PCDHA4: variants seen among roughly 807,000 people sequenced by gnomAD.
PCDHA4 encodes the protein protocadherin alpha 4.
PCDHA4 carries 49 observed loss-of-function variants against 61.4 expected under a neutral mutation model. The ratio of observed to expected loss-of-function variants is 0.80; its 90% CI spans 0.63 to 1.01. The LOEUF is 1.01. PCDHA4 is among the 50% of genes least tolerant of loss of function. The probability of loss-of-function intolerance (pLI) is 0.00; values close to 1 mark genes in which losing one functional copy is unlikely to be tolerated. For missense variants in PCDHA4, 1,254 were observed against 1,235.8 expected (o/e 1.01, Z -0.22); for synonymous variants, 590 against 550.3 (o/e 1.07, Z -1.01).
intron 1 of PCDHA4, among the ~76,000 whole-genome samples, chr5:140,902,916 A>G (rs940228069): frequency 2.0e-5 from 3 of 152,174 alleles, no homozygotes; most frequent in African/African-American, 4.8e-5. Context: ...GCTGAGTAGT[A>G]TTGCATGGTG....
At chr5:140,871,533 G>A in intron 1 of PCDHA4, 2 of 1,516,446 alleles carry the variant, frequency 1.3e-6, no homozygotes, top group South Asian at 1.3e-5. Context: ...GGAAGTGTAT[G>A]TGAAATTATT....
At chr5:140,883,379 C>G in intron 1 of PCDHA4, 1 of 1,614,182 alleles carries the variant, frequency 6.2e-7, no homozygotes, top group Non-Finnish European at 8.5e-7. Flanking sequence ...CATTATTGCC[C>G]TAATCAGTGT....
chr5:140,809,637 T>A, intron 1 of PCDHA4, 65 bp downstream of exon 1: 1 of 1,503,338 alleles, frequency 6.7e-7, no homozygotes, highest in Non-Finnish European at 8.9e-7. Flanking sequence ...TCTTCGTAAA[T>A]TTATTTCTAA....
At chr5:140,867,346 ATGAT>A (rs1302874220) in intron 1 of PCDHA4, 5 of 152,256 alleles carry the variant, frequency 3.3e-5, no homozygotes, top group East Asian at 1.9e-4. Context: ...AGAGGCTACT[ATGAT>A]TGATTATTTT....
intron 1 of PCDHA4, chr5:140,814,784 C>T (rs189663149): frequency 2.3e-4 from 35 of 152,262 alleles, no homozygotes; most frequent in Non-Finnish European, 4.1e-4. Flanking sequence ...TTGGTTGAAA[C>T]GTTGTTATAC....
At chr5:140,923,785 C>T (rs2081509867) in intron 1 of PCDHA4, among the ~76,000 whole-genome samples, 1 of 152,156 alleles carries the variant, frequency 6.6e-6, no homozygotes, top group African/African-American at 2.4e-5. Flanking sequence ...ATGGTTTCTT[C>T]ATTCTTTTCA....
In PCDHA4 at chr5:140,856,289, G is replaced by A. The variant is rs138367057; in HGVS notation, c.2385+46717G>A. Reference sequence around the variant, plus strand: ...CCTTCTGGAGGTAAATCTGCAGAATGGCATTTTGTTTGTGAATTCTCGGAT... The same window carrying A: ...CCTTCTGGAGGTAAATCTGCAGAATAGCATTTTGTTTGTGAATTCTCGGAT... On this transcript the variant is annotated intron_variant, in intron 1 of 3. Coordinates refer to ENST00000530339, the MANE Select transcript of PCDHA4 (RefSeq NM_018907.4). The A allele has an allele frequency of 3.3e-4, 527 of 1,598,532 alleles. 21 individuals carry two copies. The African/African-American group carries it at 6.0e-3, about 18-fold the overall frequency.
In PCDHA4 at chr5:141,010,449, C is replaced by G. The variant is rs764975082; in HGVS notation, c.*512C>G. 1.1e-6 allele frequency: 1 copy of G among 915,348 alleles called. No homozygotes were observed. Among genetic ancestry groups the G allele is most frequent in the East Asian group, 2.7e-5 (1 of 36,418 alleles). 56.7% of individuals were successfully genotyped at this position (915,348 alleles called of 1,614,324 possible). ...CAAGAAAACAAAGACAAATAAACAGCGGAAGTTATCAGTATGGAGGGGAAG... is the reference window on the plus strand; with the variant it reads ...CAAGAAAACAAAGACAAATAAACAGGGGAAGTTATCAGTATGGAGGGGAAG... On this transcript the variant is annotated 3_prime_UTR_variant, in exon 4 of 4. Transcript: ENST00000530339.
intron 1 of PCDHA4, chr5:140,858,161 G>A (rs1409243603): frequency 1.3e-6 from 2 of 1,597,720 alleles, no homozygotes; most frequent in African/African-American, 2.7e-5. Context: ...CATCTGCGCG[G>A]TGTCCAGCTT....
At chr5:141,005,687 G>A (rs1454342103) in intron 3 of PCDHA4, among the ~76,000 whole-genome samples, 3 of 116,164 alleles carry the variant, frequency 2.6e-5, no homozygotes, top group African/African-American at 7.0e-5. Context: ...GGGCGACAGA[G>A]CGAAACTCCG....
intron 1 of PCDHA4, chr5:140,815,490 TTA>T (rs1226346416): frequency 6.6e-6 from 1 of 151,982 alleles, no homozygotes; most frequent in East Asian, 1.9e-4. Flanking sequence ...TACCCAAATT[TTA>T]TGTTATTGAT....
chr5:140,903,180 T>C (rs149488870), intron 1 of PCDHA4, among the ~76,000 whole-genome samples: 1,613 of 152,324 alleles, frequency 0.011, 17 homozygotes, highest in African/African-American at 0.028. Context: ...TTCCCACCAA[T>C]AGTATAAAAG....
rs2150529065 is a variant in PCDHA4, at chr5:140,853,159, G to A, written c.2385+43587G>A. On this transcript the variant is annotated intron_variant, in intron 1 of 3. Coordinates refer to ENST00000530339, the MANE Select transcript of PCDHA4 (RefSeq NM_018907.4). ...CTCCCAAAATGCTGGGATTACAGGC[G>A]TGAGCCACCGCGCCTGGCCTAAAAT... is the stretch of plus-strand genomic sequence containing the variant. The A allele has an allele frequency of 3.8e-5, 35 of 925,908 alleles. 4 individuals are homozygous for A. In the African/African-American group the frequency reaches 3.9e-4, roughly 10 times the overall value. 57.4% of individuals were successfully genotyped at this position (925,908 alleles called of 1,614,324 possible).
At chr5:140,863,267 C>T in intron 1 of PCDHA4, 1 of 1,457,902 alleles carries the variant, frequency 6.9e-7, no homozygotes, top group Non-Finnish European at 9.3e-7. Flanking sequence ...CGGGAGGCAG[C>T]GCTGGTGGAT....
chr5:140,991,413 A>G (rs2097451025), intron 3 of PCDHA4, among the ~76,000 whole-genome samples: 1 of 152,228 alleles, frequency 6.6e-6, no homozygotes, highest in South Asian at 2.1e-4. Context: ...CCATTATGCT[A>G]TAACAAATTA....
chr5:140,876,233 A>G, intron 1 of PCDHA4: 1 of 1,614,016 alleles, frequency 6.2e-7, no homozygotes, highest in Non-Finnish European at 8.5e-7. Context: ...TTGTCTGAAA[A>G]TGTCCAAAAC....
intron 1 of PCDHA4, chr5:140,867,287 A>T (rs1264218929): frequency 1.3e-5 from 2 of 152,110 alleles, no homozygotes; most frequent in African/African-American, 2.4e-5. Context: ...ATGTGCTTCA[A>T]ATATCATGTT....
At position 140,808,726 on chromosome 5, in the gene PCDHA4, GA is replaced by G. The variant is rs1562219079; in HGVS notation, c.1540del (p.Ser514AlafsTer15). 6.2e-7 allele frequency: 1 copy of G among 1,612,212 alleles called. No homozygotes were observed. Among genetic ancestry groups the G allele is most frequent in the Non-Finnish European group, 8.5e-7 (1 of 1,179,814 alleles). On this transcript the variant is annotated frameshift_variant, in exon 1 of 4. Coordinates refer to ENST00000530339, the MANE Select transcript of PCDHA4 (RefSeq NM_018907.4). LOFTEE classifies it high-confidence loss of function. ...CGAGCTACGTTTCGGTGCATGCGGA[GA>G]GCGGCAAGGTGTACGCGCTGCAGCC... ...LSSYVSVHAESGKVYALQPLD... is the reference protein window; with the variant it reads ...LSSYVSVHAEXGKVYALQPLD...
At chr5:140,975,917 A>C (rs1287006605) in intron 1 of PCDHA4, among the ~76,000 whole-genome samples, 1 of 152,220 alleles carries the variant, frequency 6.6e-6, no homozygotes, top group Non-Finnish European at 1.5e-5. Context: ...TATTCTACCA[A>C]AAGACTAACC....
Sources: gnomAD v4.1 joint callset for allele counts (sites outside exome capture counted in the v4.1 genomes callset) on GRCh38, gnomAD v4.1.1 for gene constraint, MANE v1.5 for transcripts, NCBI Gene and HGNC (gene_info 2026-07-23, HGNC 2026-07-21) for gene names.